RNF43: variants seen among roughly 807,000 people sequenced by gnomAD.
RNF43 encodes the protein ring finger protein 43.
Under a neutral mutation model 78.4 loss-of-function variants are expected in RNF43, and 37 were observed. The observed-to-expected ratio is 0.47, with a 90% CI of 0.36 to 0.62. The LOEUF (loss-of-function observed/expected upper bound fraction) is 0.62, where lower values mean the gene tolerates loss of function less well. Among genes scored for constraint, RNF43 ranks in the 20% least tolerant of loss-of-function variants. The pLI, the probability that RNF43 is intolerant of heterozygous loss-of-function variation, is 0.00. For missense variants in RNF43, 774 were observed against 1,007.9 expected, an observed-to-expected ratio of 0.77 and a Z score of 3.14; for synonymous variants, 347 against 395.0, an observed-to-expected ratio of 0.88 and a Z score of 1.44.
At chr17:58,405,203 G>A (rs931165573) in intron 2 of RNF43, among the ~76,000 whole-genome samples, 4 of 146,592 alleles carry the variant, frequency 2.7e-5, no homozygotes, top group African/African-American at 5.0e-5. Flanking sequence ...TCAGCCTCCC[G>A]AGTAGCTGGG....
chr17:58,383,887 G>C (rs145330224), intron 2 of RNF43, among the ~76,000 whole-genome samples: 26 of 152,284 alleles, frequency 1.7e-4, no homozygotes, highest in African/African-American at 6.3e-4. Flanking sequence ...CAAAGTGCTG[G>C]GATTACAGGT....
At chr17:58,388,606 G>A (rs1193712401) in intron 2 of RNF43, among the ~76,000 whole-genome samples, 2 of 152,144 alleles carry the variant, frequency 1.3e-5, no homozygotes, top group Non-Finnish European at 2.9e-5. Context: ...ATTCTCACTG[G>A]GGAGATGACA....
rs1480969068 is a variant in RNF43, at chr17:58,415,433, T to C, written c.145A>G (p.Arg49Gly). 2 of 1,614,240 alleles carry C rather than the reference T, an allele frequency of 1.2e-6. No individual in the cohort carries two copies. Among genetic ancestry groups the C allele is most frequent in the Non-Finnish European group, 1.7e-6 (2 of 1,180,046 alleles). Residue 49 changes from arginine to glycine, a missense_variant, in exon 2 of 10, where the codon AGA (arginine) becomes GGA (glycine). Physicochemically the swap from Arg to Gly is moderately radical, Grantham distance 125. Coordinates refer to ENST00000407977, the MANE Select transcript of RNF43 (RefSeq NM_017763.6). ...ERSAEQKAII[R>G]VIPLKMDPTG... ...GGGTCCATTTTCAAGGGGATCACTC[T>C]GATAATAGCTTTCTGTTCTGCTGAT...
At chr17:58,370,846 G>A (rs1391071045) in intron 3 of RNF43, 65 bp downstream of exon 3, 2 of 1,448,500 alleles carry the variant, frequency 1.4e-6, no homozygotes, top group East Asian at 4.8e-5. Context: ...AGAGAGCACA[G>A]GGTCTTCTCA....
chr17:58,363,754 G>A (rs1319444739), intron 3 of RNF43, among the ~76,000 whole-genome samples, 154 bp from the exon 4 acceptor site: 1 of 152,178 alleles, frequency 6.6e-6, no homozygotes, highest in Non-Finnish European at 1.5e-5. Context: ...GGGGTCACTG[G>A]GTCTAAGATC....
At chr17:58,400,472 T>C (rs1207486683) in intron 2 of RNF43, among the ~76,000 whole-genome samples, 2 of 152,212 alleles carry the variant, frequency 1.3e-5, no homozygotes, top group Non-Finnish European at 2.9e-5. Flanking sequence ...TTAATTACTA[T>C]TAATAATAAT....
rs544312132 is a variant in RNF43, at chr17:58,380,714, G to A, written c.253-9681C>T. ...ACGCCAGAGGCCCATCTGGACTACC[G>A]GCAGAGCTACTTGAGCATTGCTAAG... On this transcript the variant is annotated intron_variant, in intron 2 of 9. Transcript: ENST00000407977. Among the ~76,000 whole-genome samples the A allele has an allele frequency of 1.4e-4, 21 of 152,296 alleles. No individual in the cohort carries two copies. The South Asian group carries it at 4.1e-3, about 30-fold the overall frequency.
intron 2 of RNF43, among the ~76,000 whole-genome samples, chr17:58,405,764 A>AAG (rs1182740333): frequency 1.3e-5 from 2 of 149,724 alleles, no homozygotes; most frequent in African/African-American, 5.0e-5. Flanking sequence ...GAAAGAAAGA[A>AAG]AAAGAGAAAA....
At chr17:58,367,319 T>A (rs1308507884) in intron 3 of RNF43, among the ~76,000 whole-genome samples, 1 of 152,094 alleles carries the variant, frequency 6.6e-6, no homozygotes, top group Non-Finnish European at 1.5e-5. Flanking sequence ...TATCAACTAT[T>A]ATTAATACTA....
chr17:58,405,018 T>A (rs1973874782), intron 2 of RNF43, among the ~76,000 whole-genome samples: 1 of 150,856 alleles, frequency 6.6e-6, no homozygotes. Flanking sequence ...CAACCTGTAA[T>A]TAACTGATAA....
At chr17:58,352,921 A>G (rs761679921), downstream of RNF43, 2 of 213,426 alleles carry the variant, frequency 9.4e-6, no homozygotes, top group Admixed American at 5.9e-5. Flanking sequence ...GCCTTGTTCT[A>G]TAGGCACTAA....
In RNF43 at chr17:58,358,230, C is replaced by T; in HGVS notation, c.1546G>A (p.Asp516Asn). The T allele has an allele frequency of 3.7e-6, 6 of 1,613,598 alleles. No individual in the cohort carries two copies. Among genetic ancestry groups the T allele is most frequent in the Non-Finnish European group, 4.2e-6 (5 of 1,179,730 alleles). The change falls in exon 9 of 10, where the codon GAT becomes AAT. Residue 516 changes from aspartate to asparagine, a missense_variant. Physicochemically the swap from Asp to Asn is conservative, Grantham distance 23. Coordinates refer to ENST00000407977, the MANE Select transcript of RNF43 (RefSeq NM_017763.6). The surrounding 1 kb of genome is among the most constrained non-coding windows in gnomAD (Gnocchi z 6.2). ...DPLVYCSPKG[D>N]PQRVDMQPSV... ...GGCTGCATGTCCACTCGCTGGGGAT[C>T]CCCTTTAGGGCTGCAGTACACTAGG...
At chr17:58,353,169 T>C (rs1424807193), downstream of RNF43, 2 of 210,380 alleles carry the variant, frequency 9.5e-6, no homozygotes, top group African/African-American at 4.5e-5. Flanking sequence ...AGCCTCCTGA[T>C]TGAGCTGCTT....
chr17:58,380,326 T>C (rs1244554888), intron 2 of RNF43, among the ~76,000 whole-genome samples: 1 of 152,162 alleles, frequency 6.6e-6, no homozygotes, highest in Non-Finnish European at 1.5e-5. Context: ...CTAGGGGTAA[T>C]ATCTAATTCC....
chr17:58,395,475 G>A (rs1336542554), intron 2 of RNF43, among the ~76,000 whole-genome samples: 2 of 151,546 alleles, frequency 1.3e-5, no homozygotes, highest in Non-Finnish European at 3.0e-5. Flanking sequence ...GTGTACACTT[G>A]AACTCCTAGA....
intron 3 of RNF43, among the ~76,000 whole-genome samples, chr17:58,367,557 C>A (rs1014107224): frequency 1.3e-5 from 2 of 152,268 alleles, no homozygotes; most frequent in African/African-American, 4.8e-5. Context: ...GGGCTTGCAC[C>A]CATCTGCTTT....
rs149447443 is a variant in RNF43, at chr17:58,361,194, G to A, written c.688-250C>T. On this transcript the variant is annotated intron_variant, in intron 6 of 9. Transcript: ENST00000407977. ...CATGAGAGAAACTTTTTATCCAACC[G>A]CTGCTTGACATTTCAACTTGGATAT... 1.7e-4 allele frequency among the ~76,000 whole-genome samples: 26 copies of A among 152,218 alleles called. No homozygotes were observed. In the East Asian group the frequency reaches 3.9e-3, roughly 23 times the overall value.
At chr17:58,397,062 C>T (rs924267192) in intron 2 of RNF43, among the ~76,000 whole-genome samples, 2 of 150,780 alleles carry the variant, frequency 1.3e-5, no homozygotes, top group Non-Finnish European at 3.0e-5. Context: ...AAAAAAACTC[C>T]GTGTGTGTAG....
chr17:58,390,865 G>C (rs1452837894), intron 2 of RNF43, among the ~76,000 whole-genome samples: 4 of 152,184 alleles, frequency 2.6e-5, no homozygotes, highest in Non-Finnish European at 5.9e-5. Flanking sequence ...GTTTTTCACA[G>C]AATGAAGTTT....
Sources: allele counts gnomAD v4.1 joint callset (sites outside exome capture counted in the v4.1 genomes callset), GRCh38; gene constraint gnomAD v4.1.1; non-coding constraint Gnocchi (gnomAD v3.1); transcripts MANE v1.5; gene names NCBI Gene and HGNC (gene_info 2026-07-23, HGNC 2026-07-21).